The following STRIP1 variants were observed in gnomAD, a reference collection of about 807,000 sequenced individuals.
STRIP1 encodes the protein striatin-interacting protein 1.
Under a neutral mutation model 106.2 loss-of-function variants are expected in STRIP1, and 63 were observed. The observed-to-expected ratio is 0.59, with a 90% CI of 0.48 to 0.73. The LOEUF (loss-of-function observed/expected upper bound fraction) is 0.73. Among genes scored for constraint, STRIP1 ranks in the 30% least tolerant of loss-of-function variants. The pLI is 0.00. For missense variants in STRIP1, 857 were observed against 1,074.8 expected (o/e 0.80, Z 2.83); for synonymous variants, 390 against 413.0 (o/e 0.94, Z 0.67).
At chr1:110,050,535 C>T (rs1557796293) in intron 18 of STRIP1, 126 bp downstream of exon 18, 2 of 885,416 alleles carry the variant, frequency 2.3e-6, no homozygotes, top group African/African-American at 1.7e-5. Flanking sequence ...GAGTGCCCGG[C>T]TTTTAAAGCA....
Position 110,044,364 on chromosome 1 carries a change from C to T in STRIP1, c.1287-476C>T, listed in dbSNP as rs187518008. Among the ~76,000 whole-genome samples the T allele has an allele frequency of 1.4e-3, 219 of 152,258 alleles. 1 individual carries two copies. The highest frequency in any genetic ancestry group is 3.2e-4 in the Non-Finnish European group (22 of 68,026). On this transcript the variant is annotated intron_variant, in intron 10 of 20. Coordinates refer to ENST00000369795, the MANE Select transcript of STRIP1 (RefSeq NM_033088.4). Reference sequence around the variant, plus strand: ...TGAACATGTGAGAGGATATAGAAGTCGCTTTCTTGATCCAGGTAAAGCCTC... The same window carrying T: ...TGAACATGTGAGAGGATATAGAAGTTGCTTTCTTGATCCAGGTAAAGCCTC...
upstream of STRIP1, among the ~76,000 whole-genome samples, chr1:110,032,836 C>T (rs1652259398): frequency 6.6e-6 from 1 of 152,238 alleles, no homozygotes; most frequent in Non-Finnish European, 1.5e-5. Flanking sequence ...ACTCTTGCAA[C>T]TCTCCAATCC....
chr1:110,048,284 T>C (rs2101781664), intron 15 of STRIP1: 1 of 207,124 alleles, frequency 4.8e-6, no homozygotes, highest in East Asian at 1.1e-4. Flanking sequence ...TCGCCAGTGA[T>C]TGGGCACGCA....
chr1:110,042,866 C>T (rs1652829766), intron 8 of STRIP1: 1 of 540,330 alleles, frequency 1.9e-6, no homozygotes, highest in Non-Finnish European at 3.3e-6. Flanking sequence ...TAGGGTCAGT[C>T]AGCCTGCATC....
Position 110,053,716 on chromosome 1 carries a change from C to T in STRIP1, c.2318C>T (p.Ala773Val). The change falls in exon 21 of 21, where the codon GCC (alanine) becomes GTC (valine). Residue 773 changes from alanine (A) to valine (V), a missense_variant. Ala to Val is a moderately conservative substitution (Grantham distance 64). This residue lies in a region of STRIP1 where 750 missense variants were observed against 989.8 expected (regional missense o/e 0.76). Transcript: ENST00000369795. ...DFQAEECALRANIERFNARRY... is the reference protein window; with the variant it reads ...DFQAEECALRVNIERFNARRY... ...CAGGCAGAGGAGTGTGCCCTTCGTGCCAACATTGAACGCTTCAACGCCCGG... is the reference window on the plus strand; with the variant it reads ...CAGGCAGAGGAGTGTGCCCTTCGTGTCAACATTGAACGCTTCAACGCCCGG... 2 of 1,614,132 alleles carry T rather than the reference C, an allele frequency of 1.2e-6. No individual in the cohort carries two copies. Among genetic ancestry groups the T allele is most frequent in the South Asian group, 2.2e-5 (2 of 91,090 alleles).
chr1:110,040,822 T>G, intron 6 of STRIP1, 119 bp downstream of exon 6: 1 of 798,542 alleles, frequency 1.3e-6, no homozygotes, highest in East Asian at 2.9e-5. Context: ...ATCATCTGCA[T>G]GTGTGATGGG....
chr1:110,039,376 G>T lies in STRIP1; in HGVS notation c.461-19G>T. The T allele has an allele frequency of 6.2e-7, 1 of 1,614,162 alleles. No homozygotes were observed. The highest frequency in any genetic ancestry group is 8.5e-7 in the Non-Finnish European group (1 of 1,180,002). The stretch of plus-strand genomic sequence containing the variant: ...TCAGATGCAGGGAGGGGCTCAGTGA[G>T]TTGAACCCTGCATTGCAGGCACGTT... On this transcript the variant is annotated intron_variant, in intron 4 of 20. Transcript: ENST00000369795.
intron 11 of STRIP1, 28 bp from the exon 12 acceptor site, chr1:110,044,983 AGGCT>A: frequency 6.2e-7 from 1 of 1,613,988 alleles, no homozygotes; most frequent in Non-Finnish European, 8.5e-7. Context: ...TTTGATGTCG[AGGCT>A]CAACACAGGG....
At chr1:110,041,920 TC>T in intron 8 of STRIP1, 59 bp downstream of exon 8, 4 of 1,505,448 alleles carry the variant, frequency 2.7e-6, no homozygotes, top group East Asian at 4.6e-5. Context: ...GGGAGACTGT[TC>T]CTTGAATATC....
At chr1:110,036,348 G>A (rs1349770776) in intron 1 of STRIP1, among the ~76,000 whole-genome samples, 2 of 152,134 alleles carry the variant, frequency 1.3e-5, no homozygotes, top group Non-Finnish European at 2.9e-5. Context: ...AGCTACTCAG[G>A]AGCCTGAGAC....
upstream of STRIP1, among the ~76,000 whole-genome samples, chr1:110,032,845 C>T (rs1341153110): frequency 6.6e-6 from 1 of 152,238 alleles, no homozygotes; most frequent in Non-Finnish European, 1.5e-5. Flanking sequence ...ACTCTCCAAT[C>T]CCTTCTCCAA....
chr1:110,049,021 C>G, intron 15 of STRIP1, 91 bp from the exon 16 acceptor site: 1 of 1,512,736 alleles, frequency 6.6e-7, no homozygotes, highest in South Asian at 1.2e-5. Context: ...AGTCTTTGCC[C>G]AGGGAGGCTC....
At position 110,047,764 on chromosome 1, in the gene STRIP1, C is replaced by T. The variant is rs191933540; in HGVS notation, c.1564-8C>T. ...CAGACCTGTGTCTGAATGGTCTACT[C>T]TTCCCAGATTGCCCTCCTGAAGATC... is the stretch of plus-strand genomic sequence containing the variant. On this transcript the variant is annotated splice_region_variant and splice_polypyrimidine_tract_variant and intron_variant, in intron 14 of 20. Transcript: ENST00000369795. 5.0e-4 allele frequency: 777 copies of T among 1,562,360 alleles called. 2 individuals are homozygous for T. The African/African-American group carries it at 9.6e-3, about 19-fold the overall frequency.
At chr1:110,042,276 G>T (rs1041697099) in intron 8 of STRIP1, among the ~76,000 whole-genome samples, 4 of 152,230 alleles carry the variant, frequency 2.6e-5, no homozygotes, top group South Asian at 2.1e-4. Context: ...TTTCTTCAGG[G>T]TATGGTGTCA....
chr1:110,050,960 CA>C lies in STRIP1; in HGVS notation c.1962del (p.Gly655ValfsTer21). The C allele has an allele frequency of 6.3e-7, 1 of 1,594,844 alleles. No homozygotes were observed. On this transcript the variant is annotated frameshift_variant, in exon 19 of 21. Coordinates refer to ENST00000369795, the MANE Select transcript of STRIP1 (RefSeq NM_033088.4). LOFTEE classifies it high-confidence loss of function. Reference sequence around the variant, plus strand: ...GTTCCTGGGTTTACCCTGCAGGAAGCAGGTGACAGTAACCAATTTTGCTGGA... The same window carrying C: ...GTTCCTGGGTTTACCCTGCAGGAAGCGGTGACAGTAACCAATTTTGCTGGA... ...LPELTAESLEAGDSNQFCWRN... is the reference protein window; with the variant it reads ...LPELTAESLEXGDSNQFCWRN...
intron 2 of STRIP1, 29 bp from the exon 3 acceptor site, chr1:110,038,654 C>T (rs758575468): frequency 5.9e-5 from 95 of 1,601,536 alleles, no homozygotes; most frequent in Non-Finnish European, 6.2e-5. Flanking sequence ...AGACATGGAA[C>T]CAATGGTGAC....
chr1:110,041,025 C>G (rs913138740), intron 6 of STRIP1: 2 of 245,830 alleles, frequency 8.1e-6, no homozygotes, highest in Non-Finnish European at 1.6e-5. Context: ...ATGGTGTTCC[C>G]TGGACTCCCA....
chr1:110,042,351 T>C (rs1236789569), intron 8 of STRIP1, among the ~76,000 whole-genome samples: 1 of 152,206 alleles, frequency 6.6e-6, no homozygotes, highest in African/African-American at 2.4e-5. Context: ...CACACTGGGC[T>C]TGGAGCGTTG....
intron 6 of STRIP1, 176 bp from the exon 7 acceptor site, chr1:110,041,360 T>C (rs1383569027): frequency 3.5e-6 from 2 of 566,718 alleles, no homozygotes. Flanking sequence ...TGTGGTTTTT[T>C]TCTTTTCAGG....
Sources: gnomAD v4.1 joint callset for allele counts (sites outside exome capture counted in the v4.1 genomes callset) on GRCh38, gnomAD v4.1.1 for gene constraint, gnomAD v4.1.1 regional missense constraint, MANE v1.5 for transcripts, NCBI Gene and HGNC (gene_info 2026-07-23, HGNC 2026-07-21) for gene names.